Variants in CACNA1C observed in about 807,000 individuals in gnomAD.
CACNA1C encodes the protein voltage-dependent L-type calcium channel subunit alpha-1C.
A neutral mutation model predicts 229.0 loss-of-function variants in CACNA1C; 30 were observed. The ratio of observed to expected loss-of-function variants is 0.13; its 90% CI spans 0.10 to 0.18. The LOEUF is 0.18. CACNA1C is among the 10% of genes least tolerant of loss of function. The pLI is 1.00. For missense variants in CACNA1C, 1,658 were observed against 2,845.0 expected (o/e 0.58, Z 9.49); for synonymous variants, 1,114 against 1,132.5 (o/e 0.98, Z 0.33).
chr12:2,393,059 C>T (rs2098513804), intron 3 of CACNA1C, among the ~76,000 whole-genome samples: 2 of 152,156 alleles, frequency 1.3e-5, no homozygotes, highest in Admixed American at 1.3e-4. Context: ...TGCCCCTCAG[C>T]CAGACCTCAC....
intron 13 of CACNA1C, among the ~76,000 whole-genome samples, chr12:2,569,985 A>G (rs1299979404): frequency 6.6e-6 from 1 of 152,248 alleles, no homozygotes; most frequent in Non-Finnish European, 1.5e-5. Context: ...TAGAATAGGA[A>G]AACATCAGAG....
chr12:2,180,395 C>T (rs915210764), intron 3 of CACNA1C, among the ~76,000 whole-genome samples: 3 of 152,212 alleles, frequency 2.0e-5, no homozygotes, highest in African/African-American at 4.8e-5. Flanking sequence ...GCAAGCCTGG[C>T]ATGGAGCCCT....
At chr12:2,026,295 G>A (rs2047310703) in intron 1 of CACNA1C, among the ~76,000 whole-genome samples, 1 of 152,184 alleles carries the variant, frequency 6.6e-6, no homozygotes, top group African/African-American at 2.4e-5. Context: ...TAAAGCTTTT[G>A]GATTTTCCTG....
chr12:2,438,968 T>G (rs1482852665), intron 3 of CACNA1C, among the ~76,000 whole-genome samples: 3 of 152,260 alleles, frequency 2.0e-5, no homozygotes, highest in Non-Finnish European at 1.5e-5. Context: ...CACAGGTCAC[T>G]AAGCAAATGC....
chr12:2,523,082 T>C (rs2099812990), intron 9 of CACNA1C, among the ~76,000 whole-genome samples: 1 of 145,912 alleles, frequency 6.9e-6, no homozygotes, highest in Non-Finnish European at 1.5e-5. Context: ...CATTTATCGC[T>C]TCAGCCTAAT....
intron 3 of CACNA1C, among the ~76,000 whole-genome samples, chr12:2,355,749 G>C (rs992712582): frequency 6.6e-6 from 1 of 152,162 alleles, no homozygotes; most frequent in Non-Finnish European, 1.5e-5. Context: ...AGACAGATTT[G>C]GTTTTCACAA....
chr12:2,163,603 A>G (rs1335658352), intron 3 of CACNA1C, among the ~76,000 whole-genome samples: 1 of 152,188 alleles, frequency 6.6e-6, no homozygotes, highest in Non-Finnish European at 1.5e-5. Context: ...GAAGGTTCAC[A>G]GAAAGAATGG....
intron 3 of CACNA1C, among the ~76,000 whole-genome samples, chr12:2,300,157 T>C (rs781599751): frequency 6.6e-6 from 1 of 152,028 alleles, no homozygotes; most frequent in Non-Finnish European, 1.5e-5. Flanking sequence ...CTGGAGAGAG[T>C]TGGAGTAAGA....
chr12:1,995,932 C>A (rs2040688150), intron 1 of CACNA1C, among the ~76,000 whole-genome samples: 1 of 152,212 alleles, frequency 6.6e-6, no homozygotes, highest in African/African-American at 2.4e-5. Flanking sequence ...GCTACCAGTT[C>A]CAAATCATTA....
In CACNA1C at chr12:2,649,709, T is replaced by C. The variant is rs2094735457; in HGVS notation, c.3945+1202T>C. Among the ~76,000 whole-genome samples the C allele has an allele frequency of 6.6e-6, 1 of 151,652 alleles. No individual in the cohort carries two copies. ...TTTTTGTTTGTTTATTTTGTTTTTT[T>C]AACTGAGCAGATCCAGATGCCCCTG... is the stretch of plus-strand genomic sequence containing the variant. On this transcript the variant is annotated intron_variant, in intron 31 of 46. Coordinates refer to ENST00000399655, the MANE Select transcript of CACNA1C (RefSeq NM_000719.7). The surrounding 1 kb of genome is among the most constrained non-coding windows in gnomAD (Gnocchi z 4.4).
chr12:2,237,503 G>T (rs137884590), intron 3 of CACNA1C, among the ~76,000 whole-genome samples: 1 of 152,328 alleles, frequency 6.6e-6, no homozygotes, highest in East Asian at 1.9e-4. Flanking sequence ...AGATGCAGTA[G>T]CCTGGCCACG....
chr12:2,429,601 C>T (rs1000810310), intron 3 of CACNA1C, among the ~76,000 whole-genome samples: 1 of 152,202 alleles, frequency 6.6e-6, no homozygotes, highest in African/African-American at 2.4e-5. Context: ...AAAATCCACT[C>T]ACACAAAAGC....
chr12:2,176,054 G>T (rs898985086), intron 3 of CACNA1C, among the ~76,000 whole-genome samples: 1 of 152,132 alleles, frequency 6.6e-6, no homozygotes, highest in Non-Finnish European at 1.5e-5. Flanking sequence ...TTAGTTCAGG[G>T]ATGATACAGG....
chr12:2,242,564 T>A (rs2070974557), intron 3 of CACNA1C, among the ~76,000 whole-genome samples: 1 of 152,246 alleles, frequency 6.6e-6, no homozygotes. Context: ...AAAAATTTAT[T>A]CTTAATCAAC....
chr12:2,632,378 A>T lies in CACNA1C; in HGVS notation c.3829-1919A>T, dbSNP rs1416542920. On this transcript the variant is annotated intron_variant, in intron 29 of 46. Transcript: ENST00000399655. The surrounding 1 kb of genome is among the most constrained non-coding windows in gnomAD (Gnocchi z 4.1). The stretch of plus-strand genomic sequence containing the variant: ...TGGGGGTGTATGCACCCATTCAGTC[A>T]CAGAACATCGCTGTGCAGGCCCCTA... Among the ~76,000 whole-genome samples, 1 of 151,898 alleles carries T rather than the reference A, an allele frequency of 6.6e-6. No individual in the cohort carries two copies. The highest frequency in any genetic ancestry group is 1.5e-5 in the Non-Finnish European group (1 of 67,964).
chr12:2,381,998 G>A (rs1452796476), intron 3 of CACNA1C, among the ~76,000 whole-genome samples: 2 of 152,176 alleles, frequency 1.3e-5, no homozygotes. Context: ...TCCAGCCTGG[G>A]GCAGACCCAT....
chr12:2,149,261 G>A (rs1430123203), intron 3 of CACNA1C, among the ~76,000 whole-genome samples: 1 of 152,186 alleles, frequency 6.6e-6, no homozygotes, highest in Non-Finnish European at 1.5e-5. Flanking sequence ...GAGTGCACAT[G>A]TTCAGACTCA....
In CACNA1C at chr12:2,322,158, G is replaced by C. The variant is rs116225083; in HGVS notation, c.478-126818G>C. Among the ~76,000 whole-genome samples, 965 of 152,208 alleles carry C rather than the reference G, an allele frequency of 6.3e-3. 13 individuals carry two copies. Among genetic ancestry groups the C allele is most frequent in the African/African-American group, 0.021 (865 of 41,526 alleles). On this transcript the variant is annotated intron_variant, in intron 3 of 46. Coordinates refer to ENST00000399655, the MANE Select transcript of CACNA1C (RefSeq NM_000719.7). ...TGTTTATCTTTACAAGTTATTTTCC[G>C]TGCACATGTGCCTGTGTGGGTGATG...
rs2095880986 is a variant in CACNA1C, at chr12:2,319,794, G to T, written c.478-129182G>T. ...GAGACAGCAGAGCACTAGATGGGAA[G>T]GGGCTGGACCCTGAAAGAGCCTGCC... On this transcript the variant is annotated intron_variant, in intron 3 of 46. Transcript: ENST00000399655. This position sits in a 1 kb window ranked among gnomAD's most constrained non-coding sequence, Gnocchi z 4.0. 6.6e-6 allele frequency among the ~76,000 whole-genome samples: 1 copy of T among 152,122 alleles called. No homozygotes were observed. Among genetic ancestry groups the T allele is most frequent in the Non-Finnish European group, 1.5e-5 (1 of 68,022 alleles).
Sources: gnomAD v4.1 joint callset for allele counts (sites outside exome capture counted in the v4.1 genomes callset) on GRCh38, gnomAD v4.1.1 for gene constraint, Gnocchi (gnomAD v3.1) non-coding constraint, MANE v1.5 for transcripts, NCBI Gene and HGNC (gene_info 2026-07-23, HGNC 2026-07-21) for gene names.